SPHKAP: variants seen among roughly 807,000 people sequenced by gnomAD.
SPHKAP encodes A-kinase anchor protein SPHKAP.
A neutral mutation model predicts 137.5 loss-of-function variants in SPHKAP; 67 were observed. The ratio of observed to expected loss-of-function variants is 0.49; its 90% CI spans 0.40 to 0.60. SPHKAP has a LOEUF of 0.60. Ranked by LOEUF, SPHKAP falls within the 20% of genes least tolerant of loss-of-function variation. The pLI is 0.00. For synonymous variants in SPHKAP, 813 were observed against 785.3 expected (o/e 1.04, Z -0.59); for missense variants, 2,097 against 2,069.3 (o/e 1.01, Z -0.26).
intron 3 of SPHKAP, among the ~76,000 whole-genome samples, chr2:228,056,970 C>T (rs539185044): frequency 3.3e-4 from 50 of 152,320 alleles, no homozygotes; most frequent in Middle Eastern, 3.4e-3. Flanking sequence ...GTTGAATGGA[C>T]TGAGAAAATT....
At chr2:228,158,997 C>T (rs1416098057) in intron 1 of SPHKAP, among the ~76,000 whole-genome samples, 1 of 152,152 alleles carries the variant, frequency 6.6e-6, no homozygotes, top group Non-Finnish European at 1.5e-5. Flanking sequence ...TTCAGTCCGT[C>T]CTTATGTGGC....
chr2:228,156,049 G>A (rs572366409), intron 1 of SPHKAP, among the ~76,000 whole-genome samples: 2 of 152,144 alleles, frequency 1.3e-5, no homozygotes, highest in South Asian at 2.1e-4. Flanking sequence ...CCCTTGTGAA[G>A]GATTTAAACT....
intron 3 of SPHKAP, among the ~76,000 whole-genome samples, chr2:228,072,127 A>C (rs968011370): frequency 6.6e-6 from 1 of 152,158 alleles, no homozygotes; most frequent in Admixed American, 6.5e-5. Context: ...GAGATGAAAC[A>C]TTGATCTTCT....
At chr2:228,022,274 T>C (rs1384070792) in intron 5 of SPHKAP, 2 of 812,798 alleles carry the variant, frequency 2.5e-6, no homozygotes, top group African/African-American at 1.9e-5. Flanking sequence ...AGATTTTTAT[T>C]TGAGGCTATT....
At chr2:228,014,560 C>T (rs1444880170) in intron 7 of SPHKAP, among the ~76,000 whole-genome samples, 1 of 152,182 alleles carries the variant, frequency 6.6e-6, no homozygotes, top group African/African-American at 2.4e-5. Context: ...TCCAGGATTT[C>T]ATCCAATTGG....
At chr2:228,099,715 G>A (rs983986526) in intron 3 of SPHKAP, among the ~76,000 whole-genome samples, 10 of 152,082 alleles carry the variant, frequency 6.6e-5, no homozygotes, top group African/African-American at 2.2e-4. Flanking sequence ...GCAGTATTAT[G>A]TAGTTCTCTT....
chr2:228,138,748 A>G (rs1350174148), intron 1 of SPHKAP, among the ~76,000 whole-genome samples: 1 of 152,184 alleles, frequency 6.6e-6, no homozygotes, highest in Admixed American at 6.5e-5. Flanking sequence ...GGCAGTAATA[A>G]TGTTATAAAG....
rs1008360190 is a variant in SPHKAP, at chr2:227,980,459, C to T, written c.*1258G>A. Reference sequence around the variant, plus strand: ...TAGTTATCCAGAAGTCCTTAATAAACACCTCTTTGATCAAGAAAATAAAAG... The same window carrying T: ...TAGTTATCCAGAAGTCCTTAATAAATACCTCTTTGATCAAGAAAATAAAAG... On this transcript the variant is annotated 3_prime_UTR_variant, in exon 12 of 12. Coordinates refer to ENST00000392056, the MANE Select transcript of SPHKAP (RefSeq NM_001142644.2). 2.0e-5 allele frequency: 3 copies of T among 152,168 alleles called. No homozygotes were observed. Among genetic ancestry groups the T allele is most frequent in the Admixed American group, 6.5e-5 (1 of 15,274 alleles). 9.4% of individuals were successfully genotyped at this position (152,168 alleles called of 1,614,324 possible). A position where few individuals can be genotyped will look rare whatever the true frequency, so the allele number is the denominator to read the frequency against.
At chr2:228,165,585 G>A (rs965659485) in intron 1 of SPHKAP, among the ~76,000 whole-genome samples, 9 of 152,296 alleles carry the variant, frequency 5.9e-5, no homozygotes, top group Admixed American at 6.5e-5. Flanking sequence ...GCATTGCTTA[G>A]TGAGATAACT....
chr2:228,180,126 T>C (rs1700857550), intron 1 of SPHKAP, among the ~76,000 whole-genome samples: 1 of 152,148 alleles, frequency 6.6e-6, no homozygotes. Flanking sequence ...GGTGGTCCTT[T>C]GACCCTGTTC....
rs542749563 is a variant in SPHKAP at position 228,025,537 on chromosome 2, C to A, written c.307-9G>T. 6.2e-7 allele frequency: 1 copy of A among 1,612,744 alleles called. No homozygotes were observed. Among genetic ancestry groups the A allele is most frequent in the East Asian group, 2.2e-5 (1 of 44,764 alleles). The stretch of plus-strand genomic sequence containing the variant: ...GAAACGTTGACCAGTTTCTGTAAAG[C>A]AAGAATCTTTATTAGTTTAGCTGAT... On this transcript the variant is annotated splice_polypyrimidine_tract_variant and intron_variant, in intron 4 of 11. Coordinates refer to ENST00000392056, the MANE Select transcript of SPHKAP (RefSeq NM_001142644.2).
At chr2:228,055,142 CAAA>C (rs58091970) in intron 3 of SPHKAP, among the ~76,000 whole-genome samples, 1 of 61,308 alleles carries the variant, frequency 1.6e-5, no homozygotes, top group Non-Finnish European at 3.3e-5. Context: ...AACTCCACTC[CAAA>C]AAAAAAAAAA....
Position 228,017,856 on chromosome 2 carries a change from G to T in SPHKAP, c.2998C>A (p.Leu1000Ile), listed in dbSNP as rs971038936. ...TAVRKHKPPRLSEIKRKTDEH... is the reference protein window; with the variant it reads ...TAVRKHKPPRISEIKRKTDEH... ...TCCGTCTTCCTCTTGATCTCACTGAGCCGGGGAGGCTTGTGTTTCCTCACA... is the reference window on the plus strand; with the variant it reads ...TCCGTCTTCCTCTTGATCTCACTGATCCGGGGAGGCTTGTGTTTCCTCACA... Residue 1000 changes from leucine (L) to isoleucine (I), a missense_variant, in exon 7 of 12, where the codon CTC becomes ATC. By Grantham distance (5) the Leu-to-Ile change is conservative (BLOSUM62 2). Transcript: ENST00000392056. The T allele has an allele frequency of 6.2e-7, 1 of 1,614,036 alleles. No homozygotes were observed. Among genetic ancestry groups the T allele is most frequent in the African/African-American group, 1.3e-5 (1 of 75,020 alleles).
intron 3 of SPHKAP, among the ~76,000 whole-genome samples, chr2:228,069,054 G>A (rs1458755353): frequency 1.3e-5 from 2 of 152,146 alleles, no homozygotes; most frequent in African/African-American, 2.4e-5. Context: ...ATCACTTGAA[G>A]TCAGGAGTTC....
rs1317398768 is a variant in SPHKAP, at chr2:228,019,055, G to T, written c.1799C>A (p.Pro600His). 2 of 1,614,122 alleles carry T rather than the reference G, an allele frequency of 1.2e-6. No individual in the cohort carries two copies. Among genetic ancestry groups the T allele is most frequent in the Admixed American group, 3.3e-5 (2 of 60,024 alleles). ...CATGCTTGCTAAACCACAAAGTGGGGGCATGGCTTCAGAAGCCTCAGCTGC... is the reference window on the plus strand; with the variant it reads ...CATGCTTGCTAAACCACAAAGTGGGTGCATGGCTTCAGAAGCCTCAGCTGC... ...PPAAEASEAMPPLCGLASMEL... is the reference protein window; with the variant it reads ...PPAAEASEAMHPLCGLASMEL... Residue 600 changes from proline to histidine, a missense_variant, in exon 7 of 12, where the codon CCC (proline) becomes CAC (histidine). Physicochemically the swap from Pro to His is moderately conservative, Grantham distance 77. Coordinates refer to ENST00000392056, the MANE Select transcript of SPHKAP (RefSeq NM_001142644.2).
At chr2:228,032,974 C>T (rs1426509809) in intron 3 of SPHKAP, among the ~76,000 whole-genome samples, 5 of 152,098 alleles carry the variant, frequency 3.3e-5, no homozygotes, top group African/African-American at 7.2e-5. Flanking sequence ...CATCAACTAA[C>T]GAGCAAAATA....
chr2:228,107,542 C>T (rs1698381549), intron 3 of SPHKAP, among the ~76,000 whole-genome samples: 1 of 152,132 alleles, frequency 6.6e-6, no homozygotes, highest in Non-Finnish European at 1.5e-5. Context: ...AGACCCCCAA[C>T]ATATACTCTT....
At chr2:228,167,597 C>T (rs899619566) in intron 1 of SPHKAP, among the ~76,000 whole-genome samples, 2 of 152,022 alleles carry the variant, frequency 1.3e-5, no homozygotes, top group African/African-American at 4.8e-5. Flanking sequence ...GTTTGAATTA[C>T]CCAGATAAAT....
At chr2:228,103,248 C>T (rs957162682) in intron 3 of SPHKAP, among the ~76,000 whole-genome samples, 2 of 152,182 alleles carry the variant, frequency 1.3e-5, no homozygotes, top group African/African-American at 4.8e-5. Context: ...TTTCATTTGA[C>T]TGAAAGTCAG....
Sources: allele counts gnomAD v4.1 joint callset (sites outside exome capture counted in the v4.1 genomes callset), GRCh38; gene constraint gnomAD v4.1.1; transcripts MANE v1.5; gene names NCBI Gene and HGNC (gene_info 2026-07-23, HGNC 2026-07-21).